The following KLRG1 variants were observed in gnomAD, a reference collection of about 807,000 sequenced individuals.
KLRG1 encodes killer cell lectin-like receptor subfamily G member 1.
KLRG1 carries 16 observed loss-of-function variants against 21.8 expected under a neutral mutation model. That is an observed-to-expected ratio of 0.73 (90% CI 0.50 to 1.11). KLRG1 has a LOEUF of 1.11. Ranked by LOEUF, KLRG1 falls within the 50% of genes most tolerant of loss-of-function variation. KLRG1 has a pLI of 0.00. For synonymous variants in KLRG1, 69 were observed against 75.9 expected, an observed-to-expected ratio of 0.91 and a Z score of 0.47; for missense variants, 173 against 218.3, an observed-to-expected ratio of 0.79 and a Z score of 1.31.
chr12:9,138,605 C>G, the KLRG1 span, among the ~76,000 whole-genome samples: 2 of 152,010 alleles, frequency 1.3e-5, no homozygotes. Flanking sequence ...GTATTAGAAT[C>G]TACCTGTGAA....
downstream of KLRG1, among the ~76,000 whole-genome samples, chr12:9,013,362 A>T (rs1947658147): frequency 6.6e-6 from 1 of 152,240 alleles, no homozygotes; most frequent in Non-Finnish European, 1.5e-5. Context: ...ACATGACCTC[A>T]CCAAATGAAC....
chr12:9,194,383 A>G, the KLRG1 span: 1 of 644,478 alleles, frequency 1.6e-6, no homozygotes, highest in Non-Finnish European at 2.6e-6. Context: ...TTACGACAAA[A>G]TGTTTCCTTC....
chr12:9,109,420 T>C, the KLRG1 span: 1 of 1,600,964 alleles, frequency 6.2e-7, no homozygotes, highest in Non-Finnish European at 8.6e-7. Context: ...TGATTGGTGA[T>C]AAAGAAGGTT....
the KLRG1 span, chr12:9,101,539 G>T: frequency 2.2e-5 from 36 of 1,614,016 alleles, no homozygotes; most frequent in East Asian, 7.4e-4. Context: ...CCACAGGGTA[G>T]TTCATGAGAC....
the KLRG1 span, chr12:9,106,520 G>T: frequency 2.5e-6 from 4 of 1,598,462 alleles, no homozygotes; most frequent in South Asian, 4.5e-5. Context: ...CTGGGCCTCA[G>T]TGTGAAGTTT....
chr12:9,128,188 G>T, the KLRG1 span: 1 of 201,568 alleles, frequency 5.0e-6, no homozygotes, highest in Non-Finnish European at 1.1e-5. Flanking sequence ...AGGTCAGTGT[G>T]GAGGTGGATT....
At chr12:9,022,342 T>C in the KLRG1 span, among the ~76,000 whole-genome samples, 7 of 152,112 alleles carry the variant, frequency 4.6e-5, no homozygotes, top group Non-Finnish European at 8.8e-5. Context: ...CACGAGGCAA[T>C]AGAAATTTTT....
chr12:9,171,928 A>G, the KLRG1 span, among the ~76,000 whole-genome samples: 1 of 152,244 alleles, frequency 6.6e-6, no homozygotes, highest in Admixed American at 6.5e-5. Context: ...TCAGGATATC[A>G]TCCAGGAGAA....
At chr12:9,046,028 G>T in the KLRG1 span, among the ~76,000 whole-genome samples, 1 of 152,186 alleles carries the variant, frequency 6.6e-6, no homozygotes, top group Non-Finnish European at 1.5e-5. Flanking sequence ...ACTGGGGCCT[G>T]TGGGGGGCAG....
the KLRG1 span, among the ~76,000 whole-genome samples, chr12:9,043,785 T>C: frequency 6.6e-6 from 1 of 152,368 alleles, no homozygotes; most frequent in South Asian, 2.1e-4. Flanking sequence ...CTGCGGCCAA[T>C]TCAAAGAAAT....
At chr12:9,004,890 T>C in intron 3 of KLRG1, among the ~76,000 whole-genome samples, 1 of 152,186 alleles carries the variant, frequency 6.6e-6, no homozygotes, top group South Asian at 2.1e-4. Flanking sequence ...TTAAGGAAAA[T>C]GATATTTTAA....
the KLRG1 span, chr12:9,068,819 C>A: frequency 6.2e-7 from 1 of 1,605,152 alleles, no homozygotes; most frequent in Non-Finnish European, 8.5e-7. Flanking sequence ...CCGTGAAGAA[C>A]AAGCTCAGTG....
At chr12:9,150,794 T>G in the KLRG1 span, 5 of 1,182,170 alleles carry the variant, frequency 4.2e-6, no homozygotes, top group Non-Finnish European at 6.3e-6. Context: ...ACCTCCTTCT[T>G]TCTCCCATGA....
At chr12:9,110,243 C>T in the KLRG1 span, 1 of 1,281,896 alleles carries the variant, frequency 7.8e-7, no homozygotes, top group African/African-American at 1.5e-5. Flanking sequence ...ATTGTAAAAA[C>T]CTCTGAAATA....
the KLRG1 span, among the ~76,000 whole-genome samples, chr12:9,093,779 G>A: frequency 6.6e-6 from 1 of 152,172 alleles, no homozygotes; most frequent in Middle Eastern, 3.4e-3. Context: ...AGCCAGGAGA[G>A]GCCGGGCGCG....
chr12:9,056,727 A>G, the KLRG1 span, among the ~76,000 whole-genome samples: 1 of 151,880 alleles, frequency 6.6e-6, no homozygotes, highest in Non-Finnish European at 1.5e-5. Context: ...TTATTTTTCA[A>G]TTTTTTGTAG....
the KLRG1 span, among the ~76,000 whole-genome samples, chr12:9,054,925 A>G: frequency 6.6e-6 from 1 of 152,218 alleles, no homozygotes; most frequent in Non-Finnish European, 1.5e-5. Flanking sequence ...GGGATACTCA[A>G]CTGGTAAGCA....
chr12:8,963,987 C>T (rs953292173), intron 1 of KLRG1, among the ~76,000 whole-genome samples: 2 of 152,134 alleles, frequency 1.3e-5, no homozygotes, highest in Non-Finnish European at 2.9e-5. Flanking sequence ...AAAAAACCAG[C>T]TCCTGGATTC....
the KLRG1 span, among the ~76,000 whole-genome samples, chr12:9,193,034 C>A: frequency 6.6e-6 from 1 of 152,158 alleles, no homozygotes; most frequent in Non-Finnish European, 1.5e-5. Flanking sequence ...ATAACTCAAA[C>A]AAGTGGAAAA....
Sources: gnomAD v4.1 joint callset for allele counts (sites outside exome capture counted in the v4.1 genomes callset) on GRCh38, gnomAD v4.1.1 for gene constraint, MANE v1.5 for transcripts, NCBI Gene and HGNC (gene_info 2026-07-23, HGNC 2026-07-21) for gene names.